BAZ2B: variants seen among roughly 807,000 people sequenced by gnomAD.
BAZ2B encodes the protein bromodomain adjacent to zinc finger domain protein 2B.
BAZ2B carries 91 observed loss-of-function variants against 246.0 expected under a neutral mutation model. That is an observed-to-expected ratio of 0.37 (90% CI 0.31 to 0.44). The LOEUF is 0.44. Ranked by LOEUF, BAZ2B falls within the 20% of genes least tolerant of loss-of-function variation. The pLI is 1.00. For missense variants in BAZ2B, 2,332 were observed against 2,533.7 expected (o/e 0.92, Z 1.71); for synonymous variants, 855 against 860.0 (o/e 0.99, Z 0.10).
chr2:159,339,339 C>T (rs2148998956), intron 31 of BAZ2B, among the ~76,000 whole-genome samples: 1 of 152,256 alleles, frequency 6.6e-6, no homozygotes, highest in South Asian at 2.1e-4. Context: ...AGTGAAAAAA[C>T]TCTGAGCAGA....
In BAZ2B at chr2:159,385,421, A is replaced by G. The variant is rs373767902; in HGVS notation, c.3472-52T>C. ...TATTACTCACAACCATTTATACCAT[A>G]AAAACAATAAGATTAAAAATCCTCA... On this transcript the variant is annotated intron_variant, in intron 22 of 36. Coordinates refer to ENST00000392783, the MANE Select transcript of BAZ2B (RefSeq NM_013450.4). 31 of 1,469,372 alleles carry G rather than the reference A, an allele frequency of 2.1e-5. No homozygotes were observed. The South Asian group carries it at 2.5e-4, about 12-fold the overall frequency. 91.0% of individuals were successfully genotyped at this position (1,469,372 alleles called of 1,614,324 possible).
intron 1 of BAZ2B, among the ~76,000 whole-genome samples, chr2:159,591,475 A>C (rs951471363): frequency 6.6e-6 from 1 of 152,234 alleles, no homozygotes; most frequent in Non-Finnish European, 1.5e-5. Flanking sequence ...GAACACTTTA[A>C]GATAACAGCT....
chr2:159,607,286 A>T (rs947785885), intron 1 of BAZ2B, among the ~76,000 whole-genome samples: 3 of 152,198 alleles, frequency 2.0e-5, no homozygotes, highest in Admixed American at 6.5e-5. Flanking sequence ...GAGAAAAGGG[A>T]TACACATATA....
intron 1 of BAZ2B, among the ~76,000 whole-genome samples, chr2:159,608,698 CTAAT>C (rs1425302267): frequency 6.6e-6 from 1 of 152,144 alleles, no homozygotes; most frequent in Admixed American, 6.5e-5. Flanking sequence ...GGAAAGTTAA[CTAAT>C]TATAGTTATG....
chr2:159,442,746 C>G (rs898645297), intron 6 of BAZ2B, among the ~76,000 whole-genome samples: 7 of 152,178 alleles, frequency 4.6e-5, no homozygotes, highest in African/African-American at 1.7e-4. Flanking sequence ...TAAGTGGAAT[C>G]ATACAGTACA....
At chr2:159,472,605 G>A (rs912764359) in intron 3 of BAZ2B, among the ~76,000 whole-genome samples, 1 of 152,220 alleles carries the variant, frequency 6.6e-6, no homozygotes, top group African/African-American at 2.4e-5. Context: ...CATTCAGTAT[G>A]ATATTGGCTG....
At chr2:159,621,877 A>G in the BAZ2B span, among the ~76,000 whole-genome samples, 1 of 152,100 alleles carries the variant, frequency 6.6e-6, no homozygotes, top group Non-Finnish European at 1.5e-5. Flanking sequence ...AGGCCGAGGC[A>G]GGTGGATCAC....
intron 2 of BAZ2B, among the ~76,000 whole-genome samples, chr2:159,525,786 T>TA (rs1338870872): frequency 1.3e-5 from 2 of 151,938 alleles, no homozygotes; most frequent in East Asian, 1.9e-4. Context: ...AGGACATATG[T>TA]AAAAAAAATA....
intron 6 of BAZ2B, among the ~76,000 whole-genome samples, chr2:159,442,804 C>T (rs2073669239): frequency 6.6e-6 from 1 of 152,154 alleles, no homozygotes; most frequent in Non-Finnish European, 1.5e-5. Context: ...ATAATAATGT[C>T]CTCAAGGTTC....
chr2:159,587,708 G>A (rs903072819), intron 1 of BAZ2B, among the ~76,000 whole-genome samples: 7 of 151,908 alleles, frequency 4.6e-5, no homozygotes, highest in South Asian at 2.1e-4. Flanking sequence ...CTAATTCTCC[G>A]GATGTACTTA....
chr2:159,428,426 A>G lies in BAZ2B; in HGVS notation c.2256-7T>C, dbSNP rs753757148. ...TCTTGTCTCTCTCTGCCAGCTACAC[A>G]TAACAGAAATGAAGGTTATGACATA... On this transcript the variant is annotated splice_polypyrimidine_tract_variant and splice_region_variant and intron_variant, in intron 11 of 36. Transcript: ENST00000392783. 1.2e-6 allele frequency: 2 copies of G among 1,602,266 alleles called. No individual in the cohort carries two copies. The highest frequency in any genetic ancestry group is 1.7e-5 in the Admixed American group (1 of 59,234).
At chr2:159,687,980 A>G in the BAZ2B span, among the ~76,000 whole-genome samples, 1 of 152,098 alleles carries the variant, frequency 6.6e-6, no homozygotes, top group Admixed American at 6.5e-5. Flanking sequence ...TACAGGACAA[A>G]TTTTTTCTTT....
intron 4 of BAZ2B, among the ~76,000 whole-genome samples, chr2:159,450,187 T>A (rs1214339706): frequency 6.6e-6 from 1 of 150,796 alleles, no homozygotes; most frequent in African/African-American, 2.4e-5. Flanking sequence ...AGAAAAAAAA[T>A]TTTAAAAAGT....
chr2:159,607,252 T>C (rs1432710589), intron 1 of BAZ2B, among the ~76,000 whole-genome samples: 4 of 152,196 alleles, frequency 2.6e-5, no homozygotes, highest in South Asian at 2.1e-4. Context: ...TAAAAGTGTT[T>C]TTTGAGCCAG....
chr2:159,409,285 TG>T (rs1384108812), intron 14 of BAZ2B, among the ~76,000 whole-genome samples: 1 of 152,204 alleles, frequency 6.6e-6, no homozygotes, highest in Non-Finnish European at 1.5e-5. Context: ...TCTTTCTTAG[TG>T]TACATCTTAA....
chr2:159,515,929 T>C (rs2083397216), intron 2 of BAZ2B, among the ~76,000 whole-genome samples: 1 of 152,036 alleles, frequency 6.6e-6, no homozygotes, highest in South Asian at 2.1e-4. Context: ...AAAATAATCT[T>C]TTTACTACAT....
intron 2 of BAZ2B, among the ~76,000 whole-genome samples, chr2:159,514,958 A>T (rs1314286351): frequency 6.6e-6 from 1 of 152,092 alleles, no homozygotes; most frequent in East Asian, 1.9e-4. Flanking sequence ...TATATCAAAA[A>T]TTACTGAGTT....
chr2:159,523,573 G>A (rs971666020), intron 2 of BAZ2B, among the ~76,000 whole-genome samples: 12 of 151,516 alleles, frequency 7.9e-5, no homozygotes, highest in East Asian at 3.9e-4. Context: ...GCATGGTGGC[G>A]CATGCCTGTA....
intron 2 of BAZ2B, among the ~76,000 whole-genome samples, chr2:159,539,599 T>G (rs921400915): frequency 6.6e-6 from 1 of 152,154 alleles, no homozygotes; most frequent in African/African-American, 2.4e-5. Flanking sequence ...AGGCTAGCCA[T>G]GGTGGCTCAT....
Sources: gnomAD v4.1 joint callset for allele counts (sites outside exome capture counted in the v4.1 genomes callset) on GRCh38, gnomAD v4.1.1 for gene constraint, MANE v1.5 for transcripts, NCBI Gene and HGNC (gene_info 2026-07-23, HGNC 2026-07-21) for gene names.